KRABD3: variants seen among roughly 807,000 people sequenced by gnomAD.
KRABD3 encodes KRAB domain-containing protein 3.
chr7:149,721,890 A>C, the KRABD3 span: 1 of 451,800 alleles, frequency 2.2e-6, no homozygotes, highest in East Asian at 5.1e-5. Context: ...TCATCACAGC[A>C]ACCCTAACTG....
chr7:149,727,087 C>T, the KRABD3 span, among the ~76,000 whole-genome samples: 1 of 152,200 alleles, frequency 6.6e-6, no homozygotes, highest in Non-Finnish European at 1.5e-5. Context: ...AGTCGAGTTG[C>T]TCCTGCAGAC....
the KRABD3 span, chr7:149,734,169 G>A: frequency 7.4e-7 from 1 of 1,352,048 alleles, no homozygotes; most frequent in South Asian, 1.5e-5. Flanking sequence ...ACTGTTGCTG[G>A]GAGCCTCGCC....
the KRABD3 span, chr7:149,722,262 T>G: frequency 2.3e-6 from 1 of 436,452 alleles, no homozygotes; most frequent in Non-Finnish European, 3.0e-6. Context: ...TCTTGCTGTT[T>G]CCAGTTAAAC....
chr7:149,734,144 G>A, the KRABD3 span: 2 of 1,438,724 alleles, frequency 1.4e-6, no homozygotes, highest in Non-Finnish European at 1.9e-6. Context: ...TCTCCCAGAG[G>A]ACGCCATCTC....
chr7:149,728,389 T>C, the KRABD3 span: 2 of 1,040,358 alleles, frequency 1.9e-6, no homozygotes, highest in Middle Eastern at 2.8e-4. Flanking sequence ...GAGCCAGGAC[T>C]GACACGTCCA....
the KRABD3 span, among the ~76,000 whole-genome samples, chr7:149,726,936 T>C: frequency 6.6e-6 from 1 of 152,124 alleles, no homozygotes; most frequent in Non-Finnish European, 1.5e-5. Flanking sequence ...AATTTCCTTT[T>C]TGCATTGAAT....
chr7:149,733,169 A>G, the KRABD3 span: 14 of 1,550,654 alleles, frequency 9.0e-6, no homozygotes, highest in Non-Finnish European at 1.2e-5. Context: ...GGTCCTTACA[A>G]ACCAGGAACT....
At chr7:149,722,023 T>A in the KRABD3 span, 2 of 377,856 alleles carry the variant, frequency 5.3e-6, no homozygotes, top group African/African-American at 4.2e-5. Context: ...GGAATAAAAT[T>A]GGCACTCCCA....
the KRABD3 span, chr7:149,725,257 T>TC: frequency 6.7e-7 from 1 of 1,483,898 alleles, no homozygotes; most frequent in East Asian, 2.5e-5. Context: ...GCCAGGGGTC[T>TC]GATGGGCAAG....
At chr7:149,717,869 G>C in the KRABD3 span, among the ~76,000 whole-genome samples, 33 of 152,182 alleles carry the variant, frequency 2.2e-4, no homozygotes, top group African/African-American at 7.7e-4. Context: ...GTACAATGTT[G>C]TGACCTTGGC....
At chr7:149,721,976 A>G in the KRABD3 span, 2 of 368,796 alleles carry the variant, frequency 5.4e-6, no homozygotes, top group Non-Finnish European at 1.0e-5. Context: ...CAAATTTTGC[A>G]TGTCTGTTTT....
At chr7:149,728,634 C>G in the KRABD3 span, 8 of 1,613,444 alleles carry the variant, frequency 5.0e-6, no homozygotes, top group Admixed American at 1.7e-5. Context: ...GACAGGGGAC[C>G]GAGGAGAGCA....
At chr7:149,729,363 C>G in the KRABD3 span, 1 of 1,495,382 alleles carries the variant, frequency 6.7e-7, no homozygotes, top group Admixed American at 2.3e-5. Context: ...GGAGGTGGCT[C>G]CCAGAGGGTG....
the KRABD3 span, chr7:149,733,670 G>A: frequency 1.3e-6 from 2 of 1,586,642 alleles, no homozygotes; most frequent in Non-Finnish European, 1.7e-6. Flanking sequence ...ACTCTCCAGA[G>A]GGACCGCTCG....
chr7:149,714,994 G>C, the KRABD3 span: 1 of 1,211,950 alleles, frequency 8.3e-7, no homozygotes. Context: ...CGAGGGTCGC[G>C]TGCGCCCGCG....
At chr7:149,733,840 C>T in the KRABD3 span, 9 of 1,602,144 alleles carry the variant, frequency 5.6e-6, no homozygotes, top group African/African-American at 1.3e-5. Flanking sequence ...GCCCCCTTCC[C>T]CCTTTAGTGC....
At chr7:149,724,835 GC>G in the KRABD3 span, 1 of 1,585,892 alleles carries the variant, frequency 6.3e-7, no homozygotes, top group Non-Finnish European at 8.6e-7. Flanking sequence ...CCCAGCTGGG[GC>G]CCTGAGGCTC....
At chr7:149,719,949 CTG>C in the KRABD3 span, 2 of 1,498,346 alleles carry the variant, frequency 1.3e-6, no homozygotes, top group Admixed American at 2.4e-5. This position sits in a 1 kb window ranked among gnomAD's most constrained non-coding sequence, Gnocchi z 5.6. Context: ...TGCTATGCAA[CTG>C]TGTGCGAAGC....
chr7:149,723,805 G>A, the KRABD3 span: 2 of 1,613,966 alleles, frequency 1.2e-6, no homozygotes, highest in Non-Finnish European at 1.7e-6. Context: ...GCTCCCCGAG[G>A]CCCAGGACAG....
Sources: gnomAD v4.1 joint callset for allele counts (sites outside exome capture counted in the v4.1 genomes callset) on GRCh38, gnomAD v4.1.1 for gene constraint, Gnocchi (gnomAD v3.1) non-coding constraint, MANE v1.5 for transcripts, NCBI Gene and HGNC (gene_info 2026-07-23, HGNC 2026-07-21) for gene names.